Variants in PCDH11X observed in about 807,000 individuals in gnomAD.
PCDH11X encodes protocadherin 11 X-linked, also known as protocadherin-11 X-linked.
In PCDH11X, 18 loss-of-function variants were observed where a neutral mutation model predicts 53.3. The observed-to-expected ratio is 0.34, with a 90% CI of 0.23 to 0.50. PCDH11X has a LOEUF of 0.50. Ranked by LOEUF, PCDH11X falls within the 20% of genes least tolerant of loss-of-function variation. The pLI is 0.98. For missense variants in PCDH11X, 570 were observed against 1,032.4 expected, an observed-to-expected ratio of 0.55 and a Z score of 6.14; for synonymous variants, 279 against 393.3, an observed-to-expected ratio of 0.71 and a Z score of 3.44.
rs147864794 is a variant in PCDH11X at position 92,035,241 on chromosome X, C to T, written c.3033+155968C>T. Among the ~76,000 whole-genome samples, 575 of 111,451 alleles carry T rather than the reference C, an allele frequency of 5.2e-3. 9 individuals carry two copies. The highest frequency in any genetic ancestry group is 0.018 in the African/African-American group (551 of 30,738). Reference sequence around the variant, plus strand: ...CTTACTGTCACCAGTGAGTTTTATACCTTGGGATGATTTCTTCCTGCTCAT... The same window carrying T: ...CTTACTGTCACCAGTGAGTTTTATATCTTGGGATGATTTCTTCCTGCTCAT... On this transcript the variant is annotated intron_variant, in intron 6 of 10. Coordinates refer to ENST00000682573, the MANE Select transcript of PCDH11X (RefSeq NM_032968.5).
At position 92,293,481 on chromosome X, in the gene PCDH11X, G is replaced by A. The variant is rs776252811; in HGVS notation, c.3144+30338G>A. Among the ~76,000 whole-genome samples, 593 of 109,473 alleles carry A rather than the reference G, an allele frequency of 5.4e-3. 4 individuals carry two copies. The highest frequency in any genetic ancestry group is 0.019 in the African/African-American group (561 of 29,766). On this transcript the variant is annotated intron_variant, in intron 8 of 10. Transcript: ENST00000682573. ...CTACAAAAAATACAAAAAATTAGCCGGGCGTGGTAGCGGGCGCCTGTAGTC... is the reference window on the plus strand; with the variant it reads ...CTACAAAAAATACAAAAAATTAGCCAGGCGTGGTAGCGGGCGCCTGTAGTC...
At chrX:91,846,185 C>A (rs1194467233) in intron 5 of PCDH11X, among the ~76,000 whole-genome samples, 1 of 111,709 alleles carries the variant, frequency 9.0e-6, no homozygotes, top group Non-Finnish European at 1.9e-5. Context: ...TACCCAATAA[C>A]CTTCCTGTTA....
At chrX:92,580,577 T>G (rs2148785520) in intron 10 of PCDH11X, among the ~76,000 whole-genome samples, 1 of 109,878 alleles carries the variant, frequency 9.1e-6, no homozygotes, top group African/African-American at 3.3e-5. Flanking sequence ...AGCAGCCCAG[T>G]CTCCCTCTCA....
intron 10 of PCDH11X, among the ~76,000 whole-genome samples, chrX:92,596,819 T>C (rs1223706662): frequency 9.1e-6 from 1 of 109,486 alleles, no homozygotes; most frequent in East Asian, 2.9e-4. Flanking sequence ...TAACAAAAAA[T>C]TAGCAAACTG....
intron 4 of PCDH11X, among the ~76,000 whole-genome samples, chrX:91,819,980 G>T (rs956358321): frequency 1.1e-4 from 11 of 97,725 alleles, no homozygotes; most frequent in Non-Finnish European, 2.2e-4. Context: ...TTTCATCCAT[G>T]TCCCTACAAA....
At chrX:92,397,468 A>T (rs1328502286) in intron 9 of PCDH11X, among the ~76,000 whole-genome samples, 8 of 103,088 alleles carry the variant, frequency 7.8e-5, no homozygotes, top group Non-Finnish European at 1.4e-4. Context: ...GAAGGAGTCA[A>T]TTTTTTTTTT....
intron 6 of PCDH11X, among the ~76,000 whole-genome samples, chrX:92,089,630 C>G (rs1467999700): frequency 9.3e-6 from 1 of 107,083 alleles, no homozygotes; most frequent in East Asian, 2.9e-4. Context: ...TCAAACGATT[C>G]TCCTGTCTCA....
chrX:92,545,671 G>C (rs1326455527), intron 10 of PCDH11X, among the ~76,000 whole-genome samples: 1 of 110,817 alleles, frequency 9.0e-6, no homozygotes, highest in Non-Finnish European at 1.9e-5. Context: ...AAAGTACTGG[G>C]GTTACAGGTG....
At chrX:92,311,853 T>C (rs1196059657) in intron 8 of PCDH11X, among the ~76,000 whole-genome samples, 2 of 111,290 alleles carry the variant, frequency 1.8e-5, no homozygotes, top group African/African-American at 6.5e-5. Flanking sequence ...TTTTCCTCTT[T>C]GTTTATTACA....
intron 7 of PCDH11X, among the ~76,000 whole-genome samples, chrX:92,258,416 G>A (rs1302156212): frequency 9.6e-6 from 1 of 103,911 alleles, no homozygotes; most frequent in Non-Finnish European, 2.0e-5. Context: ...CGCCCAGGCT[G>A]GAGTGCAGTG....
chrX:92,089,265 A>AAT (rs2148115858), intron 6 of PCDH11X, among the ~76,000 whole-genome samples: 1 of 111,814 alleles, frequency 8.9e-6, no homozygotes, highest in Non-Finnish European at 1.9e-5. Context: ...GAGGACAGAG[A>AAT]ATCTTCCCAA....
At chrX:91,932,458 A>G (rs969052808) in intron 6 of PCDH11X, among the ~76,000 whole-genome samples, 3 of 99,365 alleles carry the variant, frequency 3.0e-5, no homozygotes, top group African/African-American at 1.1e-4. Flanking sequence ...TAAAGTGGAG[A>G]AACATGGGAA....
At chrX:92,031,698 C>G (rs2063053115) in intron 6 of PCDH11X, among the ~76,000 whole-genome samples, 1 of 111,247 alleles carries the variant, frequency 9.0e-6, no homozygotes, top group Non-Finnish European at 1.9e-5. Flanking sequence ...TTCTTCTGCA[C>G]ATGGATATCC....
intron 8 of PCDH11X, among the ~76,000 whole-genome samples, chrX:92,337,408 G>T (rs1204597171): frequency 9.2e-6 from 1 of 108,390 alleles, no homozygotes; most frequent in Non-Finnish European, 1.9e-5. Flanking sequence ...GTTTTTCAGA[G>T]AAAGCACTAC....
At chrX:92,431,833 G>T (rs1299580917) in intron 9 of PCDH11X, among the ~76,000 whole-genome samples, 25 of 109,024 alleles carry the variant, frequency 2.3e-4, no homozygotes, top group Non-Finnish European at 4.0e-4. Context: ...TGACAACTTA[G>T]ACAAGGTTAA....
chrX:92,180,110 A>G (rs931954347), intron 6 of PCDH11X, among the ~76,000 whole-genome samples: 2 of 112,236 alleles, frequency 1.8e-5, no homozygotes, highest in Non-Finnish European at 3.8e-5. Flanking sequence ...GCCTCAGGAA[A>G]CTTACAATCA....
chrX:92,320,516 T>G (rs1012096138), intron 8 of PCDH11X, among the ~76,000 whole-genome samples: 78 of 111,158 alleles, frequency 7.0e-4, no homozygotes, highest in African/African-American at 2.2e-3. Flanking sequence ...CTAGGATTAC[T>G]GTTACCACTA....
intron 8 of PCDH11X, among the ~76,000 whole-genome samples, chrX:92,322,110 T>C (rs1697943386): frequency 9.1e-6 from 1 of 110,266 alleles, no homozygotes; most frequent in African/African-American, 3.3e-5. Flanking sequence ...TAGCCTATTT[T>C]AGGAATTTGA....
intron 6 of PCDH11X, among the ~76,000 whole-genome samples, chrX:92,184,370 T>C (rs770683699): frequency 2.1e-4 from 23 of 112,094 alleles, no homozygotes; most frequent in Middle Eastern, 4.7e-3. Flanking sequence ...ATTTCATGCA[T>C]TGGAAAAATT....
Sources: allele counts gnomAD v4.1 joint callset (sites outside exome capture counted in the v4.1 genomes callset), GRCh38; gene constraint gnomAD v4.1.1; transcripts MANE v1.5; gene names NCBI Gene and HGNC (gene_info 2026-07-23, HGNC 2026-07-21).